The following GABRA5 variants were observed in gnomAD, a reference collection of about 807,000 sequenced individuals.
GABRA5 encodes the protein gamma-aminobutyric acid type A receptor subunit alpha5.
In GABRA5, 18 loss-of-function variants were observed where a neutral mutation model predicts 47.3. The ratio of observed to expected loss-of-function variants is 0.38; its 90% CI spans 0.26 to 0.56. The LOEUF (loss-of-function observed/expected upper bound fraction) is 0.56. Ranked by LOEUF, GABRA5 falls within the 20% of genes least tolerant of loss-of-function variation. The pLI is 0.71. For synonymous variants in GABRA5, 237 were observed against 229.3 expected, an observed-to-expected ratio of 1.03 and a Z score of -0.30; for missense variants, 365 against 599.3, an observed-to-expected ratio of 0.61 and a Z score of 4.08.
intron 6 of GABRA5, among the ~76,000 whole-genome samples, chr15:26,893,351 G>GTATGCTGTGGTGTA (rs1186473814): frequency 4.6e-4 from 1 of 2,168 alleles, no homozygotes; most frequent in Non-Finnish European, 9.1e-4. Context: ...AGTGTCGTGT[G>GTATGCTGTGGTGTA]TGTGTATGGT....
Position 26,948,046 on chromosome 15 carries a change from C to A in GABRA5, c.1202C>A (p.Thr401Asn), listed in dbSNP as rs754268760. The change falls in exon 11 of 11, where the codon ACC becomes AAC. Residue 401 changes from threonine (T) to asparagine (N), a missense_variant. By Grantham distance (65) the Thr-to-Asn change is moderately conservative. Around this residue, in one of 3 missense-constraint regions of GABRA5, gnomAD observed 106 missense variants for 130.3 expected, o/e 0.81. Coordinates refer to ENST00000335625, the MANE Select transcript of GABRA5 (RefSeq NM_000810.4). ...EQTPAGTSNT[T>N]SVSVKPSEEK... Reference sequence around the variant, plus strand: ...ACCCCAGCAGGGACGTCGAATACAACCTCAGTCTCAGTAAAACCCTCTGAA... The same window carrying A: ...ACCCCAGCAGGGACGTCGAATACAAACTCAGTCTCAGTAAAACCCTCTGAA... 1 of 1,608,114 alleles carries A rather than the reference C, an allele frequency of 6.2e-7. No homozygotes were observed.
At chr15:26,903,784 C>A (rs1279274035) in intron 6 of GABRA5, among the ~76,000 whole-genome samples, 1 of 151,744 alleles carries the variant, frequency 6.6e-6, no homozygotes, top group Non-Finnish European at 1.5e-5. Context: ...ACATGCTTTG[C>A]TCGCTTTTTA....
chr15:26,904,852 T>C (rs192057885), intron 6 of GABRA5, among the ~76,000 whole-genome samples: 2 of 152,236 alleles, frequency 1.3e-5, no homozygotes, highest in Admixed American at 6.5e-5. Context: ...TGAAGGTGCT[T>C]TTGGGCTGAG....
intron 7 of GABRA5, among the ~76,000 whole-genome samples, chr15:26,934,116 G>T (rs1000059583): frequency 6.6e-6 from 1 of 152,078 alleles, no homozygotes; most frequent in African/African-American, 2.4e-5. Flanking sequence ...TCCAGGCATG[G>T]TGGCAGGTAC....
At chr15:26,906,884 A>T (rs1313864003) in intron 6 of GABRA5, among the ~76,000 whole-genome samples, 2 of 152,258 alleles carry the variant, frequency 1.3e-5, no homozygotes, top group Non-Finnish European at 2.9e-5. Flanking sequence ...ATCAAAATAG[A>T]TCAATATACT....
chr15:26,870,250 G>C (rs1035705521), intron 3 of GABRA5, among the ~76,000 whole-genome samples: 2 of 152,196 alleles, frequency 1.3e-5, no homozygotes, highest in Non-Finnish European at 2.9e-5. Flanking sequence ...CTTCCCATCT[G>C]GGGGGAAAGA....
chr15:26,872,959 T>C (rs1394962861), intron 3 of GABRA5, among the ~76,000 whole-genome samples: 2 of 152,228 alleles, frequency 1.3e-5, no homozygotes, highest in Non-Finnish European at 2.9e-5. Flanking sequence ...ATTCTAAATT[T>C]GATTGGAGTC....
chr15:26,879,254 T>G lies in GABRA5; in HGVS notation c.87-1592T>G, dbSNP rs1295629941. 2.6e-5 allele frequency among the ~76,000 whole-genome samples: 4 copies of G among 152,190 alleles called. No individual in the cohort carries two copies. In the East Asian group the frequency reaches 7.7e-4, roughly 29 times the overall value. On this transcript the variant is annotated intron_variant, in intron 3 of 10. Transcript: ENST00000335625. ...TGACAATTATGAAGTCCATGAGAAG[T>G]GCATCATGAAGCCAGATCTGGTTTG...
chr15:26,926,217 C>T (rs1893958855), intron 7 of GABRA5, among the ~76,000 whole-genome samples: 1 of 152,066 alleles, frequency 6.6e-6, no homozygotes, highest in African/African-American at 2.4e-5. Context: ...CTTTGAGTCT[C>T]TCCGGGGCTT....
At chr15:26,921,849 C>T (rs917546657) in intron 7 of GABRA5, among the ~76,000 whole-genome samples, 1 of 152,002 alleles carries the variant, frequency 6.6e-6, no homozygotes, top group African/African-American at 2.4e-5. Context: ...TCCCTTTGAC[C>T]CACGTATTAT....
chr15:26,878,380 A>T (rs1231257936), intron 3 of GABRA5, among the ~76,000 whole-genome samples: 1 of 152,184 alleles, frequency 6.6e-6, no homozygotes, highest in Non-Finnish European at 1.5e-5. Flanking sequence ...GCCTTCTATG[A>T]TACAGCACGA....
At chr15:26,901,244 A>G (rs1218820905) in intron 6 of GABRA5, among the ~76,000 whole-genome samples, 1 of 152,170 alleles carries the variant, frequency 6.6e-6, no homozygotes, top group East Asian at 1.9e-4. Flanking sequence ...GCTGCCTTCC[A>G]AAGTAGCTGA....
At chr15:26,876,924 A>C (rs1186934095) in intron 3 of GABRA5, among the ~76,000 whole-genome samples, 2 of 152,134 alleles carry the variant, frequency 1.3e-5, no homozygotes, top group Non-Finnish European at 2.9e-5. Flanking sequence ...GAGTCTAGGA[A>C]GGAGGGCAGG....
At chr15:26,876,964 C>T (rs547753303) in intron 3 of GABRA5, among the ~76,000 whole-genome samples, 1 of 152,226 alleles carries the variant, frequency 6.6e-6, no homozygotes, top group East Asian at 1.9e-4. Flanking sequence ...CCTGTGGGGC[C>T]ATAGGGCTTG....
chr15:26,948,350 T>C lies in GABRA5; in HGVS notation c.*117T>C, dbSNP rs1031907751. On this transcript the variant is annotated 3_prime_UTR_variant, in exon 11 of 11. Transcript: ENST00000335625. ...CACTATCTTTCAGGAAATTTTTGCA[T>C]GTTTAATAATATGTACAAATAATAT... 5 of 901,650 alleles carry C rather than the reference T, an allele frequency of 5.5e-6. No individual in the cohort carries two copies. Among genetic ancestry groups the C allele is most frequent in the Admixed American group, 2.9e-5 (1 of 34,670 alleles). The allele number at this position is 901,650 out of a possible 1,614,324, so 55.9% of individuals were successfully genotyped here.
At chr15:26,913,363 A>G (rs1479934340) in intron 6 of GABRA5, among the ~76,000 whole-genome samples, 2 of 152,160 alleles carry the variant, frequency 1.3e-5, no homozygotes, top group Non-Finnish European at 2.9e-5. Context: ...TTCCACTGAC[A>G]TGTATTTTAG....
At chr15:26,937,136 C>T (rs1178155326) in intron 7 of GABRA5, 49 bp from the exon 8 acceptor site, 6 of 1,602,480 alleles carry the variant, frequency 3.7e-6, no homozygotes, top group Non-Finnish European at 5.1e-6. Flanking sequence ...GTTTTCCAGG[C>T]TGGGAATGAT....
chr15:26,934,665 C>G (rs1894193677), intron 7 of GABRA5, among the ~76,000 whole-genome samples: 1 of 152,120 alleles, frequency 6.6e-6, no homozygotes, highest in Non-Finnish European at 1.5e-5. Context: ...GGTTTTTTCC[C>G]CGATCTACAG....
chr15:26,939,331 G>C, intron 8 of GABRA5: 2 of 765,310 alleles, frequency 2.6e-6, no homozygotes, highest in African/African-American at 1.7e-5. Context: ...AGGCACTGGG[G>C]CATCGCCAAT....
Sources: allele counts gnomAD v4.1 joint callset (sites outside exome capture counted in the v4.1 genomes callset), GRCh38; gene constraint gnomAD v4.1.1; regional missense constraint gnomAD v4.1.1; transcripts MANE v1.5; gene names NCBI Gene and HGNC (gene_info 2026-07-23, HGNC 2026-07-21).